Variants in CPNE8 observed in about 807,000 individuals in gnomAD.
The protein encoded by CPNE8 is copine 8, also known as copine-8.
A neutral mutation model predicts 81.5 loss-of-function variants in CPNE8; 45 were observed. That is an observed-to-expected ratio of 0.55 (90% CI 0.44 to 0.71). CPNE8 has a LOEUF of 0.71. Ranked by LOEUF, CPNE8 falls within the 30% of genes least tolerant of loss-of-function variation. The pLI is 0.00. For missense variants in CPNE8, 594 were observed against 672.1 expected (o/e 0.88, Z 1.28); for synonymous variants, 252 against 226.3 (o/e 1.11, Z -1.02).
intron 1 of CPNE8, among the ~76,000 whole-genome samples, chr12:38,898,758 A>G (rs1944421385): frequency 6.6e-6 from 1 of 152,214 alleles, no homozygotes; most frequent in African/African-American, 2.4e-5. Flanking sequence ...GCAGATCATT[A>G]GAACAGCACA....
intron 6 of CPNE8, 59 bp downstream of exon 6, chr12:38,829,320 C>T (rs1248001178): frequency 8.1e-7 from 1 of 1,227,888 alleles, no homozygotes. Context: ...CAATTCCAAA[C>T]TGACAAAATA....
chr12:38,696,474 T>C (rs1356139017), intron 14 of CPNE8, among the ~76,000 whole-genome samples: 1 of 152,088 alleles, frequency 6.6e-6, no homozygotes, highest in Non-Finnish European at 1.5e-5. Context: ...TTTTAAACAA[T>C]GAATTTGTAG....
At position 38,736,652 on chromosome 12, in the gene CPNE8, T is replaced by C. The variant is rs538563843; in HGVS notation, c.723-6294A>G. 8.5e-5 allele frequency among the ~76,000 whole-genome samples: 13 copies of C among 152,172 alleles called. No individual in the cohort carries two copies. The South Asian group carries it at 2.5e-3, about 29-fold the overall frequency. ...AGTATACTTTTAAAATATAAACACCTTTAATTCAATTTCTATTGCTTCTAA... is the reference window on the plus strand; with the variant it reads ...AGTATACTTTTAAAATATAAACACCCTTAATTCAATTTCTATTGCTTCTAA... On this transcript the variant is annotated intron_variant, in intron 10 of 19. Transcript: ENST00000331366.
intron 3 of CPNE8, among the ~76,000 whole-genome samples, chr12:38,871,007 G>A (rs1943984620): frequency 6.6e-6 from 1 of 151,856 alleles, no homozygotes; most frequent in Admixed American, 6.6e-5. Flanking sequence ...TATTTGTGAA[G>A]GGTTTGGAAC....
At chr12:38,807,223 A>C (rs1250194152) in intron 6 of CPNE8, among the ~76,000 whole-genome samples, 264 of 149,390 alleles carry the variant, frequency 1.8e-3, no homozygotes, top group Non-Finnish European at 3.3e-3. Flanking sequence ...GCTACCAATG[A>C]CTTTCTTCAC....
chr12:38,724,447 G>A (rs1940646181), intron 12 of CPNE8, among the ~76,000 whole-genome samples: 1 of 151,974 alleles, frequency 6.6e-6, no homozygotes, highest in Non-Finnish European at 1.5e-5. Context: ...ATTTTACTGA[G>A]CACATACACA....
intron 14 of CPNE8, among the ~76,000 whole-genome samples, chr12:38,701,740 C>T (rs564503531): frequency 3.9e-5 from 6 of 152,180 alleles, no homozygotes; most frequent in African/African-American, 1.2e-4. Flanking sequence ...GTGATCTGCC[C>T]GCCTCAGCCT....
chr12:38,695,532 C>T (rs1939773685), intron 14 of CPNE8, among the ~76,000 whole-genome samples: 1 of 152,180 alleles, frequency 6.6e-6, no homozygotes, highest in South Asian at 2.1e-4. Context: ...TAAAGCCTTT[C>T]TTGCCTTTTT....
At chr12:38,673,003 T>C (rs1448562350) in intron 18 of CPNE8, among the ~76,000 whole-genome samples, 15 of 152,100 alleles carry the variant, frequency 9.9e-5, no homozygotes, top group Admixed American at 9.8e-4. Flanking sequence ...GTAATTCCCA[T>C]GTGTTGAGGG....
intron 16 of CPNE8, among the ~76,000 whole-genome samples, chr12:38,679,958 A>G (rs7358665): frequency 0.1 from 15,174 of 151,874 alleles, 2,514 homozygotes; most frequent in African/African-American, 0.34. Context: ...AAGGTATTAG[A>G]GAAGCTTGCT....
chr12:38,696,323 G>T, intron 14 of CPNE8, among the ~76,000 whole-genome samples: 1 of 149,642 alleles, frequency 6.7e-6, no homozygotes. Flanking sequence ...GTTTATTCCA[G>T]CCCTTATTGT....
At chr12:38,745,720 T>C (rs986496964) in intron 10 of CPNE8, among the ~76,000 whole-genome samples, 1 of 152,072 alleles carries the variant, frequency 6.6e-6, no homozygotes, top group Non-Finnish European at 1.5e-5. Flanking sequence ...TTTAAAAAAA[T>C]TATTTGTAGA....
intron 6 of CPNE8, among the ~76,000 whole-genome samples, chr12:38,807,570 T>C (rs1942838709): frequency 6.6e-6 from 1 of 150,970 alleles, no homozygotes; most frequent in Non-Finnish European, 1.5e-5. Flanking sequence ...TGAAACTGGA[T>C]CCCTTCCTTA....
rs71461502 is a variant in CPNE8, at chr12:38,806,759, T to G, written c.407+22620A>C. 1.2e-4 allele frequency among the ~76,000 whole-genome samples: 18 copies of G among 145,512 alleles called. 1 individual carries two copies. Among genetic ancestry groups the G allele is most frequent in the Admixed American group, 6.9e-4 (10 of 14,446 alleles). ...TGTTGGAAGTTCTGGCCAGGGCAAT[T>G]AGGCAGGAGAAGGAAATAAAGGGTA... is the stretch of plus-strand genomic sequence containing the variant. On this transcript the variant is annotated intron_variant, in intron 6 of 19. Transcript: ENST00000331366.
intron 6 of CPNE8, among the ~76,000 whole-genome samples, chr12:38,825,322 T>C (rs932397949): frequency 5.9e-5 from 9 of 152,182 alleles, no homozygotes; most frequent in Non-Finnish European, 1.3e-4. Flanking sequence ...TCTTCCCATG[T>C]TCCCATCTCT....
intron 1 of CPNE8, among the ~76,000 whole-genome samples, chr12:38,894,991 G>A (rs955847442): frequency 1.3e-5 from 2 of 152,140 alleles, no homozygotes; most frequent in African/African-American, 4.8e-5. Flanking sequence ...ACACATGTTG[G>A]TTTCAACCAG....
intron 10 of CPNE8, among the ~76,000 whole-genome samples, chr12:38,730,692 G>C (rs1472381716): frequency 6.6e-6 from 1 of 151,364 alleles, no homozygotes; most frequent in African/African-American, 2.4e-5. Flanking sequence ...TAGGATGAAA[G>C]TTAGAGACTA....
intron 6 of CPNE8, among the ~76,000 whole-genome samples, chr12:38,778,981 T>G (rs1345268972): frequency 6.6e-6 from 1 of 152,206 alleles, no homozygotes; most frequent in Non-Finnish European, 1.5e-5. Flanking sequence ...TGGCACATTT[T>G]GTCTTATATT....
At chr12:38,906,460 C>T (rs180829917), upstream of CPNE8, 9,341 of 985,646 alleles carry the variant, frequency 9.5e-3, 86 homozygotes, top group South Asian at 0.044. Context: ...ACAGTAAGGG[C>T]TCTTCTGGGT....
Sources: gnomAD v4.1 joint callset for allele counts (sites outside exome capture counted in the v4.1 genomes callset) on GRCh38, gnomAD v4.1.1 for gene constraint, MANE v1.5 for transcripts, NCBI Gene and HGNC (gene_info 2026-07-23, HGNC 2026-07-21) for gene names.